ERGIC1: variants seen among roughly 807,000 people sequenced by gnomAD.
ERGIC1 encodes the protein endoplasmic reticulum-Golgi intermediate compartment protein 1.
A neutral mutation model predicts 38.3 loss-of-function variants in ERGIC1; 19 were observed. The observed-to-expected ratio is 0.50, with a 90% CI of 0.35 to 0.73. The LOEUF (loss-of-function observed/expected upper bound fraction) is 0.73. Ranked by LOEUF, ERGIC1 falls within the 30% of genes least tolerant of loss-of-function variation. The pLI, the probability that ERGIC1 is intolerant of heterozygous loss-of-function variation, is 0.01. For missense variants in ERGIC1, 294 were observed against 389.2 expected (o/e 0.76, Z 2.06); for synonymous variants, 124 against 157.6 (o/e 0.79, Z 1.60).
intron 9 of ERGIC1, among the ~76,000 whole-genome samples, chr5:172,939,260 A>G (rs1763955296): frequency 6.6e-6 from 1 of 152,180 alleles, no homozygotes; most frequent in Non-Finnish European, 1.5e-5. Context: ...GGGAGCTGTG[A>G]CCGGCTCTAG....
At chr5:172,929,545 T>C (rs1242308197) in intron 7 of ERGIC1, among the ~76,000 whole-genome samples, 2 of 152,190 alleles carry the variant, frequency 1.3e-5, no homozygotes, top group Non-Finnish European at 2.9e-5. Flanking sequence ...AAAATGGTCA[T>C]TGCCTTTGAG....
chr5:172,871,172 T>C (rs913494911), intron 1 of ERGIC1, among the ~76,000 whole-genome samples: 36 of 152,346 alleles, frequency 2.4e-4, no homozygotes, highest in African/African-American at 8.2e-4. Flanking sequence ...GTGGGGGCAC[T>C]TCATCCGGCC....
At chr5:172,944,369 T>C (rs1280592461) in intron 9 of ERGIC1, among the ~76,000 whole-genome samples, 2 of 151,932 alleles carry the variant, frequency 1.3e-5, no homozygotes, top group Non-Finnish European at 2.9e-5. Flanking sequence ...CCTTTTTTTT[T>C]TTTTCTGAGA....
intron 2 of ERGIC1, among the ~76,000 whole-genome samples, chr5:172,890,775 C>G (rs554786464): frequency 5.3e-5 from 8 of 152,230 alleles, no homozygotes; most frequent in Non-Finnish European, 7.3e-5. Flanking sequence ...AACTGCCCCC[C>G]TGATGGTCCC....
chr5:172,945,058 C>T (rs925240734), intron 9 of ERGIC1, among the ~76,000 whole-genome samples: 1 of 152,194 alleles, frequency 6.6e-6, no homozygotes, highest in Non-Finnish European at 1.5e-5. Context: ...ACAAACACGT[C>T]TTGTGCACCT....
chr5:172,901,223 A>G (rs955636202), intron 3 of ERGIC1, among the ~76,000 whole-genome samples: 10 of 152,316 alleles, frequency 6.6e-5, no homozygotes, highest in African/African-American at 2.4e-4. Context: ...TAAGACGCTT[A>G]TTCTGGCCTG....
At chr5:172,871,053 G>T (rs1388963514) in intron 1 of ERGIC1, among the ~76,000 whole-genome samples, 1 of 152,262 alleles carries the variant, frequency 6.6e-6, no homozygotes, top group Admixed American at 6.5e-5. Context: ...TAATGAGGCA[G>T]TGTGGGCCGT....
intron 9 of ERGIC1, among the ~76,000 whole-genome samples, chr5:172,943,891 CATATT>C (rs892509950): frequency 1.4e-4 from 22 of 152,290 alleles, no homozygotes; most frequent in Middle Eastern, 3.4e-3. Flanking sequence ...ACATCCTTCT[CATATT>C]ATAAGGAATT....
At chr5:172,906,283 G>C (rs970497732) in intron 3 of ERGIC1, 9 of 407,614 alleles carry the variant, frequency 2.2e-5, no homozygotes, top group African/African-American at 1.5e-4. Context: ...GAGGCAGCCT[G>C]AGCTGTGGAA....
chr5:172,893,495 G>T (rs533460721), intron 2 of ERGIC1, among the ~76,000 whole-genome samples: 1 of 152,094 alleles, frequency 6.6e-6, no homozygotes, highest in Non-Finnish European at 1.5e-5. Context: ...CCAATGGGTT[G>T]TCGGGGCTTG....
At position 172,862,164 on chromosome 5, in the gene ERGIC1, T is replaced by C. The variant is rs193227377; in HGVS notation, c.21-26535T>C. 4.6e-3 allele frequency among the ~76,000 whole-genome samples: 702 copies of C among 151,532 alleles called. 7 individuals carry two copies. The highest frequency in any genetic ancestry group is 0.016 in the African/African-American group (680 of 41,394). ...ATGCCACTGCACCTGCTCATTTTTA[T>C]ATTTTTAGTAGAGACAGGGTTTCAC... On this transcript the variant is annotated intron_variant, in intron 1 of 9. Transcript: ENST00000393784.
chr5:172,906,044 T>C (rs1763012832), intron 3 of ERGIC1: 1 of 456,002 alleles, frequency 2.2e-6, no homozygotes, highest in Non-Finnish European at 4.4e-6. Context: ...GGGTTAGGAA[T>C]TCTTATTTGG....
chr5:172,908,319 AGAGAGGGGAGGGGGGGAGGGGGGAG>A (rs1763098135), intron 3 of ERGIC1, among the ~76,000 whole-genome samples: 2 of 116 alleles, frequency 0.017, no homozygotes, highest in African/African-American at 0.083. Context: ...GGGGGGGGGG[AGAGAGGGGAGGGGGGGAGGGGGGAG>A]GGGGGGGGTG....
intron 7 of ERGIC1, among the ~76,000 whole-genome samples, chr5:172,928,960 T>A (rs1196112243): frequency 6.6e-6 from 1 of 152,222 alleles, no homozygotes; most frequent in Non-Finnish European, 1.5e-5. Context: ...TTGGCCGTTC[T>A]CTTCATTATC....
chr5:172,935,051 G>C (rs1763857482), intron 8 of ERGIC1, 137 bp from the exon 9 acceptor site: 1 of 1,255,180 alleles, frequency 8.0e-7, no homozygotes, highest in Non-Finnish European at 1.1e-6. Flanking sequence ...GAGAGAGGGA[G>C]TGGGGGAGTC....
chr5:172,891,751 T>C (rs1443905291), intron 2 of ERGIC1, among the ~76,000 whole-genome samples: 1 of 152,230 alleles, frequency 6.6e-6, no homozygotes, highest in Non-Finnish European at 1.5e-5. Flanking sequence ...ATTTAGGCTT[T>C]GATATACCTA....
At chr5:172,877,408 A>ATGTGTGTG (rs1319990358) in intron 1 of ERGIC1, among the ~76,000 whole-genome samples, 1 of 116,760 alleles carries the variant, frequency 8.6e-6, no homozygotes, top group Non-Finnish European at 1.8e-5. Context: ...AATATTATAT[A>ATGTGTGTG]TATGTGTGTG....
intron 9 of ERGIC1, among the ~76,000 whole-genome samples, chr5:172,942,603 T>C (rs1764035629): frequency 6.6e-6 from 1 of 152,184 alleles, no homozygotes; most frequent in South Asian, 2.1e-4. Flanking sequence ...TATTAGGAGC[T>C]TGGTGATTCA....
intron 1 of ERGIC1, among the ~76,000 whole-genome samples, chr5:172,844,509 CA>C: frequency 6.6e-6 from 1 of 152,340 alleles, no homozygotes; most frequent in East Asian, 1.9e-4. Context: ...TCGCACATGG[CA>C]GTGTGACCAG....
Sources: gnomAD v4.1 joint callset for allele counts (sites outside exome capture counted in the v4.1 genomes callset) on GRCh38, gnomAD v4.1.1 for gene constraint, MANE v1.5 for transcripts, NCBI Gene and HGNC (gene_info 2026-07-23, HGNC 2026-07-21) for gene names.